The following EPB41L4A variants were observed in gnomAD, a reference collection of about 807,000 sequenced individuals.
EPB41L4A encodes the protein erythrocyte membrane protein band 4.1 like 4A.
A neutral mutation model predicts 108.6 loss-of-function variants in EPB41L4A; 100 were observed. The observed-to-expected ratio is 0.92, with a 90% CI of 0.78 to 1.09. EPB41L4A has a LOEUF of 1.09. Among genes scored for constraint, EPB41L4A ranks in the 50% least tolerant of loss-of-function variants. The probability of loss-of-function intolerance (pLI) is 0.00; values close to 1 mark genes in which losing one functional copy is unlikely to be tolerated. For synonymous variants in EPB41L4A, 319 were observed against 289.0 expected (o/e 1.10, Z -1.05); for missense variants, 1,030 against 842.7 (o/e 1.22, Z -2.75).
intron 1 of EPB41L4A, among the ~76,000 whole-genome samples, chr5:112,343,465 C>T (rs115634705): frequency 1.1e-3 from 161 of 152,206 alleles, no homozygotes; most frequent in African/African-American, 3.7e-3. Flanking sequence ...ACTGTGAGAA[C>T]TGACATAATG....
intron 2 of EPB41L4A, among the ~76,000 whole-genome samples, chr5:112,302,707 CA>C (rs1754442276): frequency 6.6e-6 from 1 of 152,174 alleles, no homozygotes; most frequent in Admixed American, 6.5e-5. Flanking sequence ...TGAATTTTAA[CA>C]CAGTGTAGTC....
intron 13 of EPB41L4A, among the ~76,000 whole-genome samples, chr5:112,208,286 T>C (rs1489587962): frequency 6.8e-6 from 1 of 147,916 alleles, no homozygotes; most frequent in Non-Finnish European, 1.5e-5. Context: ...TACATGCTCA[T>C]TGCAGCACTA....
chr5:112,179,746 C>G (rs541822302), intron 18 of EPB41L4A, among the ~76,000 whole-genome samples: 11 of 152,252 alleles, frequency 7.2e-5, no homozygotes, highest in African/African-American at 2.4e-4. Context: ...TGAAAAAGAG[C>G]AGCCAAGGAT....
intron 3 of EPB41L4A, among the ~76,000 whole-genome samples, chr5:112,279,671 T>C (rs763991751): frequency 4.6e-5 from 7 of 152,182 alleles, no homozygotes; most frequent in Non-Finnish European, 5.9e-5. Flanking sequence ...CCTCTGTTTG[T>C]GCTTATAAAT....
intron 1 of EPB41L4A, among the ~76,000 whole-genome samples, chr5:112,314,538 A>AAAAAAAAG (rs1561563700): frequency 4.2e-4 from 47 of 111,226 alleles, no homozygotes; most frequent in African/African-American, 1.7e-3. Flanking sequence ...AAAAAAAAAA[A>AAAAAAAAG]GAAAAGAAAT....
intron 1 of EPB41L4A, among the ~76,000 whole-genome samples, chr5:112,374,745 G>C (rs1341645147): frequency 6.6e-6 from 1 of 152,124 alleles, no homozygotes; most frequent in East Asian, 1.9e-4. Flanking sequence ...TAAAAGATCG[G>C]TTTTGATTTT....
chr5:112,170,930 A>G lies in EPB41L4A; in HGVS notation c.1670+15T>C. The G allele has an allele frequency of 6.2e-7, 1 of 1,610,732 alleles. No homozygotes were observed. Among genetic ancestry groups the G allele is most frequent in the Non-Finnish European group, 8.5e-7 (1 of 1,177,152 alleles). On this transcript the variant is annotated intron_variant, in intron 19 of 22. Coordinates refer to ENST00000261486, the MANE Select transcript of EPB41L4A (RefSeq NM_022140.5). ...CATGGGTTTTAAAACAATAAGAAAG[A>G]AAACTATTACTCACTGAATGTGCTT...
intron 19 of EPB41L4A, among the ~76,000 whole-genome samples, chr5:112,170,601 C>T (rs1209403088): frequency 1.3e-5 from 2 of 152,206 alleles, no homozygotes; most frequent in Admixed American, 1.3e-4. Context: ...TCCAGTCATT[C>T]CCCATTTCCC....
intron 1 of EPB41L4A, among the ~76,000 whole-genome samples, chr5:112,379,280 A>G (rs781457748): frequency 3.3e-5 from 5 of 152,228 alleles, no homozygotes; most frequent in African/African-American, 4.8e-5. Flanking sequence ...TAAAACAATT[A>G]GAAGTCCCCA....
At chr5:112,320,871 C>T (rs1755725672) in intron 1 of EPB41L4A, among the ~76,000 whole-genome samples, 1 of 152,202 alleles carries the variant, frequency 6.6e-6, no homozygotes, top group Admixed American at 6.5e-5. Flanking sequence ...TTACAGGTGT[C>T]TTCCACTCCC....
intron 12 of EPB41L4A, among the ~76,000 whole-genome samples, chr5:112,149,434 T>C (rs565103795): frequency 4.4e-4 from 67 of 152,294 alleles, no homozygotes; most frequent in Middle Eastern, 3.4e-3. Flanking sequence ...ATCGCGCCAC[T>C]GCACTCCAGC....
chr5:112,257,267 G>C (rs1751166095), intron 9 of EPB41L4A: 1 of 152,152 alleles, frequency 6.6e-6, no homozygotes, highest in Non-Finnish European at 1.5e-5. Flanking sequence ...TTGACTAAAT[G>C]AATGTGATAC....
chr5:112,325,155 G>A (rs1396760154), intron 1 of EPB41L4A, among the ~76,000 whole-genome samples: 1 of 152,138 alleles, frequency 6.6e-6, no homozygotes, highest in African/African-American at 2.4e-5. Flanking sequence ...TAAAAAGAGA[G>A]TCAGGGCCGG....
At chr5:112,390,465 G>A (rs763845234) in intron 1 of EPB41L4A, among the ~76,000 whole-genome samples, 4 of 152,130 alleles carry the variant, frequency 2.6e-5, no homozygotes, top group Admixed American at 2.0e-4. Context: ...GTCCGAGATC[G>A]AGCTGTGAGC....
At chr5:112,223,271 A>G (rs748492665) in intron 12 of EPB41L4A, among the ~76,000 whole-genome samples, 5 of 151,898 alleles carry the variant, frequency 3.3e-5, no homozygotes, top group East Asian at 1.9e-4. Flanking sequence ...TACCTCACCT[A>G]TCTCTCCCTA....
intron 1 of EPB41L4A, among the ~76,000 whole-genome samples, chr5:112,342,437 G>A (rs67033649): frequency 0.14 from 20,712 of 152,248 alleles, 1,568 homozygotes; most frequent in African/African-American, 0.16. Flanking sequence ...GAGGTAACAG[G>A]CAGTCCTGAC....
chr5:112,230,713 A>G (rs1399638323), intron 12 of EPB41L4A, among the ~76,000 whole-genome samples: 1 of 152,152 alleles, frequency 6.6e-6, no homozygotes, highest in Non-Finnish European at 1.5e-5. Context: ...TGCTGTGCAG[A>G]AGCTTTTCAG....
downstream of EPB41L4A, among the ~76,000 whole-genome samples, chr5:112,157,878 G>T (rs1468740265): frequency 2.0e-5 from 3 of 152,198 alleles, no homozygotes; most frequent in Admixed American, 6.5e-5. Flanking sequence ...CTACCACTGT[G>T]TGGCTTGAAC....
intron 2 of EPB41L4A, among the ~76,000 whole-genome samples, chr5:112,288,538 T>C (rs1214141508): frequency 1.3e-5 from 2 of 152,206 alleles, no homozygotes; most frequent in East Asian, 3.8e-4. Flanking sequence ...GAACAACTCC[T>C]AGGCAATAGG....
Sources: allele counts gnomAD v4.1 joint callset (sites outside exome capture counted in the v4.1 genomes callset), GRCh38; gene constraint gnomAD v4.1.1; transcripts MANE v1.5; gene names NCBI Gene and HGNC (gene_info 2026-07-23, HGNC 2026-07-21).